The following MEF2D variants were observed in gnomAD, a reference collection of about 807,000 sequenced individuals.
The protein encoded by MEF2D is myocyte enhancer factor 2D, also known as myocyte-specific enhancer factor 2D.
Under a neutral mutation model 59.3 loss-of-function variants are expected in MEF2D, and 10 were observed. The observed-to-expected ratio is 0.17, with a 90% confidence interval of 0.10 to 0.29. The LOEUF (loss-of-function observed/expected upper bound fraction) is 0.29, where lower values mean the gene tolerates loss of function less well. MEF2D is among the 10% of genes least tolerant of loss of function. The pLI, the probability that MEF2D is intolerant of heterozygous loss-of-function variation, is 1.00. For missense variants in MEF2D, 508 were observed against 699.4 expected (o/e 0.73, Z 3.09); for synonymous variants, 305 against 295.0 (o/e 1.03, Z -0.35).
intron 1 of MEF2D, among the ~76,000 whole-genome samples, chr1:156,487,312 C>A (rs1435746411): frequency 2.6e-5 from 4 of 152,180 alleles, no homozygotes; most frequent in African/African-American, 9.7e-5. Flanking sequence ...CCCCATCTAT[C>A]CCCACTCCCT....
At chr1:156,499,342 C>G (rs1340184325) in intron 1 of MEF2D, 1 of 152,300 alleles carries the variant, frequency 6.6e-6, no homozygotes, top group East Asian at 1.9e-4. Flanking sequence ...GACACAGGAT[C>G]CCCCCCAACC....
intron 1 of MEF2D, among the ~76,000 whole-genome samples, chr1:156,487,535 G>C (rs767959684): frequency 1.7e-4 from 26 of 152,188 alleles, no homozygotes; most frequent in Non-Finnish European, 3.5e-4. Flanking sequence ...TTGCTGCAGG[G>C]TCTTTGAAAG....
rs1670805907 is a variant in MEF2D at position 156,465,853 on chromosome 1, CAA to C, written c.*1790_*1791del. 6.6e-6 allele frequency: 1 copy of C among 152,260 alleles called. No individual in the cohort carries two copies. The highest frequency in any genetic ancestry group is 2.1e-4 in the South Asian group (1 of 4,820). 9.4% of individuals were successfully genotyped at this position (152,260 alleles called of 1,614,324 possible). A position where few individuals can be genotyped will look rare whatever the true frequency, so the allele number is the denominator to read the frequency against. On this transcript the variant is annotated 3_prime_UTR_variant, in exon 12 of 12. Coordinates refer to ENST00000348159, the MANE Select transcript of MEF2D (RefSeq NM_005920.4). ...CAAGAGGCTGGGTCATAGAGGTGGG[CAA>C]AGACGGTCGGCTAACACAAAACTGG...
chr1:156,468,410 A>C lies in MEF2D; in HGVS notation c.1248-111T>G. The C allele has an allele frequency of 1.3e-6, 1 of 776,190 alleles. No homozygotes were observed. The allele number at this position is 776,190 out of a possible 1,614,324, so 48.1% of individuals were successfully genotyped here. Reference sequence around the variant, plus strand: ...AGTGAGAGAGAACAAGAGGATGAGAATATGGGGGATGGGGTGTTGGGGAGA... The same window carrying C: ...AGTGAGAGAGAACAAGAGGATGAGACTATGGGGGATGGGGTGTTGGGGAGA... On this transcript the variant is annotated intron_variant, in intron 10 of 11. Coordinates refer to ENST00000348159, the MANE Select transcript of MEF2D (RefSeq NM_005920.4). The surrounding 1 kb of genome is among the most constrained non-coding windows in gnomAD (Gnocchi z 4.3).
Position 156,477,132 on chromosome 1 carries a change from C to T in MEF2D, c.735G>A (p.Lys245=). 1 of 1,613,924 alleles carries T rather than the reference C, an allele frequency of 6.2e-7. No homozygotes were observed. Among genetic ancestry groups the T allele is most frequent in the Non-Finnish European group, 8.5e-7 (1 of 1,179,920 alleles). The change falls in exon 7 of 12, where the codon AAG becomes AAA. Residue 245 remains lysine (K), a synonymous_variant. Transcript: ENST00000348159. ...GGGGTGGAGACTTGGCAGGGATGAC[C>T]TTGTTTAGGCTGTTGCCATTGGCCA... The part of the protein sequence containing the change: ...LPVANGNSLN[K]VIPAKSPPPP...
chr1:156,479,488 T>C (rs1431033284), intron 5 of MEF2D, 98 bp downstream of exon 5: 10 of 1,501,334 alleles, frequency 6.7e-6, no homozygotes, highest in African/African-American at 1.4e-5. Context: ...CGGAATGCTG[T>C]GGTGGGTGAA....
At chr1:156,482,369 C>A (rs1171322258) in intron 3 of MEF2D, 68 bp downstream of exon 3, 9 of 1,552,458 alleles carry the variant, frequency 5.8e-6, no homozygotes, top group African/African-American at 1.4e-5. Flanking sequence ...CGTGTACATG[C>A]AACGTGGGCA....
In MEF2D at chr1:156,468,329, A is replaced by T; in HGVS notation, c.1248-30T>A. 6.6e-7 allele frequency: 1 copy of T among 1,505,116 alleles called. No individual in the cohort carries two copies. Among genetic ancestry groups the T allele is most frequent in the Non-Finnish European group, 8.9e-7 (1 of 1,119,314 alleles). The allele number at this position is 1,505,116 out of a possible 1,614,324, so 93.2% of individuals were successfully genotyped here. A position where few individuals can be genotyped will look rare whatever the true frequency, so the allele number is the denominator to read the frequency against. The stretch of plus-strand genomic sequence containing the variant: ...AGGCAGGCAATGGAAATGGGGTACA[A>T]GGGATAAAAACAGAGGGGGTGAGTG... On this transcript the variant is annotated intron_variant, in intron 10 of 11. Coordinates refer to ENST00000348159, the MANE Select transcript of MEF2D (RefSeq NM_005920.4). This position sits in a 1 kb window ranked among gnomAD's most constrained non-coding sequence, Gnocchi z 4.3.
chr1:156,479,317 C>T lies in MEF2D; in HGVS notation c.637G>A (p.Ala213Thr), dbSNP rs1671826189. 6.2e-7 allele frequency: 1 copy of T among 1,612,412 alleles called. No individual in the cohort carries two copies. The highest frequency in any genetic ancestry group is 8.5e-7 in the Non-Finnish European group (1 of 1,179,452). The change falls in exon 6 of 12, where the codon GCT becomes ACT. Residue 213 changes from alanine to threonine, a missense_variant. This residue lies in a region of MEF2D where 481 missense variants were observed against 584.7 expected (regional missense o/e 0.82). Transcript: ENST00000348159. ...GAMLGGDLNS[A>T]NGACPSPVGN... is the part of the protein sequence containing the mutation. ...ACAGGGCTGGGGCAGGCTCCGTTAG[C>T]ACTGTTCAGGTCACCCCCCAGCATG...
chr1:156,493,780 C>A (rs1022127208), intron 1 of MEF2D, among the ~76,000 whole-genome samples: 1 of 152,078 alleles, frequency 6.6e-6, no homozygotes, highest in Non-Finnish European at 1.5e-5. Context: ...GGAAGTCCTG[C>A]CTGTTGTCTA....
intron 8 of MEF2D, among the ~76,000 whole-genome samples, chr1:156,476,228 A>G (rs116367951): frequency 3.0e-3 from 453 of 152,272 alleles, no homozygotes; most frequent in Non-Finnish European, 4.9e-3. Context: ...CATACAGAGA[A>G]AGGTGTGTCT....
At chr1:156,494,692 C>T (rs533984092) in intron 1 of MEF2D, among the ~76,000 whole-genome samples, 72 of 152,376 alleles carry the variant, frequency 4.7e-4, no homozygotes, top group Non-Finnish European at 8.2e-4. Flanking sequence ...AACCATCACA[C>T]TTTTTCTGGC....
intron 7 of MEF2D, 172 bp downstream of exon 7, chr1:156,476,840 T>C: frequency 1.3e-6 from 1 of 788,848 alleles, no homozygotes; most frequent in East Asian, 2.7e-5. Flanking sequence ...CTGCAACCTC[T>C]TAAAAGGCCC....
chr1:156,477,244 C>T (rs1007241545), intron 6 of MEF2D, 42 bp from the exon 7 acceptor site: 6 of 1,527,682 alleles, frequency 3.9e-6, no homozygotes, highest in African/African-American at 1.4e-5. Context: ...AAAACATGGG[C>T]CTATCCTTCA....
Position 156,480,579 on chromosome 1 carries a change from G to A in MEF2D, c.396+255C>T, listed in dbSNP as rs771995563. 25 of 1,485,544 alleles carry A rather than the reference G, an allele frequency of 1.7e-5. No individual in the cohort carries two copies. In the Admixed American group the frequency reaches 3.3e-4, roughly 19 times the overall value. The allele number at this position is 1,485,544 out of a possible 1,614,324, so 92.0% of individuals were successfully genotyped here. ...GAGCGGAGCACCCATCAGGGCAGCC[G>A]AGAGCCAGGGCGCGAAGCCACACCA... On this transcript the variant is annotated intron_variant, in intron 4 of 11. Coordinates refer to ENST00000348159, the MANE Select transcript of MEF2D (RefSeq NM_005920.4).
intron 11 of MEF2D, 133 bp downstream of exon 11, chr1:156,467,860 C>T: frequency 8.1e-7 from 1 of 1,240,862 alleles, no homozygotes; most frequent in South Asian, 1.5e-5. Context: ...TTGGTGCTGC[C>T]CTAGAAGGGC....
intron 1 of MEF2D, among the ~76,000 whole-genome samples, chr1:156,486,022 G>T (rs1040816711): frequency 6.6e-6 from 1 of 151,988 alleles, no homozygotes; most frequent in Admixed American, 6.6e-5. Flanking sequence ...GCTAACTTTT[G>T]TATTTTCAGT....
chr1:156,496,785 T>G (rs1223355643), intron 1 of MEF2D, among the ~76,000 whole-genome samples: 1 of 152,218 alleles, frequency 6.6e-6, no homozygotes, highest in Non-Finnish European at 1.5e-5. Context: ...TGCTGTGGAC[T>G]GCATTGGGCA....
At chr1:156,470,315 A>AG (rs1347825429) in intron 9 of MEF2D, among the ~76,000 whole-genome samples, 1 of 151,220 alleles carries the variant, frequency 6.6e-6, no homozygotes, top group African/African-American at 2.4e-5. Context: ...GCTACTAGGG[A>AG]GGTTGAGGCA....
Sources: gnomAD v4.1 joint callset for allele counts (sites outside exome capture counted in the v4.1 genomes callset) on GRCh38, gnomAD v4.1.1 for gene constraint, gnomAD v4.1.1 regional missense constraint, Gnocchi (gnomAD v3.1) non-coding constraint, MANE v1.5 for transcripts, NCBI Gene and HGNC (gene_info 2026-07-23, HGNC 2026-07-21) for gene names.